The following TXNRD1 variants were observed in gnomAD, a reference collection of about 807,000 sequenced individuals.
The protein encoded by TXNRD1 is thioredoxin reductase 1.
A neutral mutation model predicts 80.3 loss-of-function variants in TXNRD1; 57 were observed. The observed-to-expected ratio is 0.71, with a 90% confidence interval of 0.57 to 0.89. The LOEUF is 0.89. Among genes scored for constraint, TXNRD1 ranks in the 40% least tolerant of loss-of-function variants. The pLI is 0.00. For synonymous variants in TXNRD1, 291 were observed against 285.2 expected (o/e 1.02, Z -0.20); for missense variants, 730 against 803.0 (o/e 0.91, Z 1.10).
chr12:104,304,633 A>G (rs1310588561), intron 4 of TXNRD1: 1 of 1,613,952 alleles, frequency 6.2e-7, no homozygotes, highest in East Asian at 2.2e-5. Context: ...CCTACTTTCG[A>G]AAGTATCCTG....
Position 104,332,689 on chromosome 12 carries a change from CA to C in TXNRD1, c.1650+1049del, listed in dbSNP as rs1474593928. Among the ~76,000 whole-genome samples, 4 of 134,816 alleles carry C rather than the reference CA, an allele frequency of 3.0e-5. No homozygotes were observed. In the East Asian group the frequency reaches 8.5e-4, roughly 29 times the overall value. The allele number at this position is 134,816 out of a possible 152,430, so 88.4% of individuals were successfully genotyped here. On this transcript the variant is annotated intron_variant, in intron 14 of 16. Transcript: ENST00000525566. ...GCTTGAACCCGGGAGGCGGAGGTTG[CA>C]GTGAGCCAAGATTGCGCCATTGCAC...
At chr12:104,259,445 T>C (rs2033318306) in intron 3 of TXNRD1, among the ~76,000 whole-genome samples, 1 of 151,088 alleles carries the variant, frequency 6.6e-6, no homozygotes, top group African/African-American at 2.4e-5. Context: ...GAGAAAGATA[T>C]ATGGCAATTG....
chr12:104,304,984 A>G lies in TXNRD1; in HGVS notation c.415-6306A>G, dbSNP rs749343384. 1.1e-5 allele frequency: 16 copies of G among 1,511,384 alleles called. No homozygotes were observed. In the South Asian group the frequency reaches 2.0e-4, roughly 19 times the overall value. The allele number at this position is 1,511,384 out of a possible 1,614,324, so 93.6% of individuals were successfully genotyped here. A position where few individuals can be genotyped will look rare whatever the true frequency, so the allele number is the denominator to read the frequency against. ...TTTTGTGTTTTTTTTCTGAAGTTAG[A>G]TGGAGAGTAAAATGTAAACTGAAGC... On this transcript the variant is annotated intron_variant, in intron 4 of 16. Transcript: ENST00000525566.
intron 6 of TXNRD1, among the ~76,000 whole-genome samples, chr12:104,314,287 A>G (rs1565896786): frequency 6.6e-6 from 1 of 152,254 alleles, no homozygotes; most frequent in Non-Finnish European, 1.5e-5. Flanking sequence ...CAGGGGAGCC[A>G]TGTGATAATA....
intron 4 of TXNRD1, among the ~76,000 whole-genome samples, chr12:104,303,163 G>GGTTA (rs1187643971): frequency 6.6e-6 from 1 of 152,132 alleles, no homozygotes; most frequent in Non-Finnish European, 1.5e-5. Context: ...TTCCTGCAGG[G>GGTTA]GTTAGCACGG....
rs780042655 is a variant in TXNRD1 at position 104,251,616 on chromosome 12, G to A, written c.181G>A (p.Ala61Thr). 1.2e-6 allele frequency: 2 copies of A among 1,613,922 alleles called. No homozygotes were observed. The highest frequency in any genetic ancestry group is 1.1e-5 in the South Asian group (1 of 91,084). ...ATADSRALLQ[A>T]YIDGHSVVIF... Reference sequence around the variant, plus strand: ...TGCAGACTCCAGAGCCCTGCTTCAGGCCTATATAGATGGTCACTCTGTGGT... The same window carrying A: ...TGCAGACTCCAGAGCCCTGCTTCAGACCTATATAGATGGTCACTCTGTGGT... Residue 61 changes from alanine (A) to threonine (T), a missense_variant, in exon 2 of 17, where the codon GCC (alanine) becomes ACC (threonine). Physicochemically the swap from Ala to Thr is moderately conservative, Grantham distance 58 (BLOSUM62 0). Transcript: ENST00000525566.
At chr12:104,226,766 G>A (rs545474561) in intron 1 of TXNRD1, among the ~76,000 whole-genome samples, 19 of 152,180 alleles carry the variant, frequency 1.2e-4, no homozygotes, top group South Asian at 2.1e-4. Flanking sequence ...AATTAGGCCC[G>A]TAAATGCGTA....
At chr12:104,227,975 T>TGA in intron 1 of TXNRD1, among the ~76,000 whole-genome samples, 1 of 152,102 alleles carries the variant, frequency 6.6e-6, no homozygotes, top group East Asian at 1.9e-4. Context: ...GATTATAGAG[T>TGA]TGCTATAAGC....
At chr12:104,325,751 A>T (rs764629531) in intron 11 of TXNRD1, among the ~76,000 whole-genome samples, 3 of 152,142 alleles carry the variant, frequency 2.0e-5, no homozygotes, top group Non-Finnish European at 4.4e-5. Flanking sequence ...GTGCGCCTGT[A>T]GTCCCAGCTA....
intron 1 of TXNRD1, among the ~76,000 whole-genome samples, chr12:104,222,182 G>A (rs573112777): frequency 2.0e-5 from 3 of 152,176 alleles, no homozygotes; most frequent in Non-Finnish European, 2.9e-5. Flanking sequence ...GTCTGTGAAT[G>A]TGTAGAATAA....
chr12:104,232,763 G>A (rs111295935), intron 1 of TXNRD1, among the ~76,000 whole-genome samples: 7 of 152,096 alleles, frequency 4.6e-5, no homozygotes, highest in Admixed American at 2.0e-4. Flanking sequence ...AGGAAATAGC[G>A]CTCGAATATG....
intron 1 of TXNRD1, among the ~76,000 whole-genome samples, chr12:104,233,585 A>C (rs2032669702): frequency 4.6e-5 from 7 of 152,140 alleles, no homozygotes; most frequent in Admixed American, 3.3e-4. Flanking sequence ...GCAATGGCAC[A>C]ATCTCGGCTC....
intron 4 of TXNRD1, chr12:104,309,673 C>A: frequency 1.0e-6 from 1 of 953,572 alleles, no homozygotes; most frequent in Non-Finnish European, 1.5e-6. Context: ...TCTTTGAGAC[C>A]CAGTAGGGAG....
intron 1 of TXNRD1, among the ~76,000 whole-genome samples, chr12:104,226,923 T>C (rs773460977): frequency 6.6e-6 from 1 of 152,230 alleles, no homozygotes; most frequent in Non-Finnish European, 1.5e-5. Context: ...AGGTTTTAAC[T>C]CATTCACTTT....
intron 4 of TXNRD1, chr12:104,303,694 G>C: frequency 1.7e-6 from 1 of 580,662 alleles, no homozygotes; most frequent in South Asian, 2.6e-5. Context: ...TCTTCCCGCG[G>C]AGCGTGCTGG....
rs1170819542 is a variant in TXNRD1, at chr12:104,304,688, T to C, written c.415-6602T>C. On this transcript the variant is annotated intron_variant, in intron 4 of 16. Transcript: ENST00000525566. The stretch of plus-strand genomic sequence containing the variant: ...TGAGTTTGTGATTGATCCAAACTCT[T>C]TTTCTCGTACTGTGGAGAATATATT... 1 of 1,614,022 alleles carries C rather than the reference T, an allele frequency of 6.2e-7. No homozygotes were observed. Among genetic ancestry groups the C allele is most frequent in the South Asian group, 1.1e-5 (1 of 91,078 alleles).
chr12:104,330,677 C>T (rs906632595), intron 13 of TXNRD1, among the ~76,000 whole-genome samples: 2 of 152,104 alleles, frequency 1.3e-5, no homozygotes, highest in Non-Finnish European at 2.9e-5. Flanking sequence ...ACCTCTGCCT[C>T]CCGGGTTCAA....
At chr12:104,314,738 CTTTTTTTTTTTTTTT>C (rs11330431) in intron 6 of TXNRD1, among the ~76,000 whole-genome samples, 1 of 103,666 alleles carries the variant, frequency 9.6e-6, no homozygotes, top group Non-Finnish European at 1.9e-5. Context: ...AAATTTTTTT[CTTTTTTTTTTTTTTT>C]TTTTTTGAGA....
In TXNRD1 at chr12:104,325,566, C is replaced by T. The variant is rs2035729405; in HGVS notation, c.1308+137C>T. ...TGCCAATTCTTAGACATCTCAATAA[C>T]TTATGATATTAAAATTTGTTTTGGT... On this transcript the variant is annotated intron_variant, in intron 11 of 16. Coordinates refer to ENST00000525566, the MANE Select transcript of TXNRD1 (RefSeq NM_001093771.3). The T allele has an allele frequency of 4.9e-5, 33 of 669,652 alleles. No individual in the cohort carries two copies. The South Asian group carries it at 5.9e-4, about 12-fold the overall frequency. 41.5% of individuals were successfully genotyped at this position (669,652 alleles called of 1,614,324 possible).
Sources: gnomAD v4.1 joint callset for allele counts (sites outside exome capture counted in the v4.1 genomes callset) on GRCh38, gnomAD v4.1.1 for gene constraint, MANE v1.5 for transcripts, NCBI Gene and HGNC (gene_info 2026-07-23, HGNC 2026-07-21) for gene names.